Variants in KCNT2 observed in about 807,000 individuals in gnomAD.
KCNT2 encodes the protein potassium sodium-activated channel subfamily T member 2.
KCNT2 carries 67 observed loss-of-function variants against 153.8 expected under a neutral mutation model. The observed-to-expected ratio is 0.44, with a 90% CI of 0.36 to 0.53. The LOEUF is 0.53. Among genes scored for constraint, KCNT2 ranks in the 20% least tolerant of loss-of-function variants. The pLI is 0.00. For synonymous variants in KCNT2, 500 were observed against 458.8 expected, an observed-to-expected ratio of 1.09 and a Z score of -1.15; for missense variants, 975 against 1,354.8, an observed-to-expected ratio of 0.72 and a Z score of 4.40.
intron 22 of KCNT2, among the ~76,000 whole-genome samples, chr1:196,301,342 C>T (rs76973942): frequency 2.0e-4 from 30 of 152,256 alleles, no homozygotes; most frequent in Non-Finnish European, 3.4e-4. Context: ...GTGATTCTCT[C>T]GCATGCACAC....
At chr1:196,381,476 T>A (rs1218122751) in intron 13 of KCNT2, among the ~76,000 whole-genome samples, 1 of 151,718 alleles carries the variant, frequency 6.6e-6, no homozygotes, top group Non-Finnish European at 1.5e-5. Context: ...ATATATATAT[T>A]ATTAAACCTC....
At chr1:196,243,583 C>T (rs1339125410) in intron 26 of KCNT2, among the ~76,000 whole-genome samples, 1 of 152,062 alleles carries the variant, frequency 6.6e-6, no homozygotes, top group Non-Finnish European at 1.5e-5. Flanking sequence ...TCAATGCTGC[C>T]CTGGAACAGT....
chr1:196,495,571 CT>C (rs1279138864), intron 1 of KCNT2, among the ~76,000 whole-genome samples: 1 of 151,976 alleles, frequency 6.6e-6, no homozygotes, highest in African/African-American at 2.4e-5. Context: ...CTCCATCTAA[CT>C]TTATCTGAAT....
intron 1 of KCNT2, among the ~76,000 whole-genome samples, chr1:196,592,676 T>C (rs1295873859): frequency 3.5e-5 from 5 of 142,368 alleles, no homozygotes; most frequent in Admixed American, 7.5e-5. Context: ...GACATACATA[T>C]ATGTATCTGA....
intron 22 of KCNT2, among the ~76,000 whole-genome samples, chr1:196,299,773 T>C (rs1051661915): frequency 6.6e-6 from 1 of 152,120 alleles, no homozygotes; most frequent in African/African-American, 2.4e-5. Flanking sequence ...GAAAGAAAAT[T>C]AGTATTTCAA....
intron 14 of KCNT2, among the ~76,000 whole-genome samples, chr1:196,369,013 C>A (rs913230037): frequency 6.6e-6 from 1 of 152,100 alleles, no homozygotes; most frequent in East Asian, 1.9e-4. Flanking sequence ...TAATCAGTGG[C>A]AAACTTCTGT....
intron 12 of KCNT2, among the ~76,000 whole-genome samples, chr1:196,410,577 TA>T (rs1672211547): frequency 6.6e-6 from 1 of 151,356 alleles, no homozygotes; most frequent in Non-Finnish European, 1.5e-5. Flanking sequence ...TAAAAATAAA[TA>T]AATAAATAAA....
chr1:196,287,366 T>C (rs1004696924), intron 22 of KCNT2, among the ~76,000 whole-genome samples: 1 of 152,014 alleles, frequency 6.6e-6, no homozygotes, highest in Admixed American at 6.6e-5. Flanking sequence ...CATGATATGT[T>C]AGACCCAAAT....
At chr1:196,376,087 A>T (rs1246610232) in intron 13 of KCNT2, among the ~76,000 whole-genome samples, 3 of 151,862 alleles carry the variant, frequency 2.0e-5, no homozygotes, top group African/African-American at 7.2e-5. Context: ...CTGAATTAAA[A>T]TACTGAAAAT....
chr1:196,390,907 TTA>T (rs1491185100), intron 13 of KCNT2, among the ~76,000 whole-genome samples: 13 of 148,220 alleles, frequency 8.8e-5, no homozygotes, highest in African/African-American at 2.7e-4. Context: ...TTTTTTTTTT[TTA>T]AAAAAAAACA....
intron 14 of KCNT2, 87 bp from the exon 15 acceptor site, chr1:196,342,315 T>C: frequency 8.4e-7 from 1 of 1,192,878 alleles, no homozygotes. Flanking sequence ...GAACTGTTTC[T>C]CAACTGTGTA....
At chr1:196,369,883 T>C (rs1435866723) in intron 14 of KCNT2, among the ~76,000 whole-genome samples, 1 of 152,032 alleles carries the variant, frequency 6.6e-6, no homozygotes. Flanking sequence ...TAGTTCTAGA[T>C]CCCTGAGGAA....
chr1:196,599,059 G>C (rs956073012), intron 1 of KCNT2, among the ~76,000 whole-genome samples: 4 of 152,212 alleles, frequency 2.6e-5, no homozygotes, highest in Admixed American at 1.3e-4. Flanking sequence ...ATCACCACAT[G>C]GTGTGGCAGT....
intron 26 of KCNT2, among the ~76,000 whole-genome samples, chr1:196,247,875 C>T (rs1440328773): frequency 6.6e-6 from 1 of 152,120 alleles, no homozygotes; most frequent in Admixed American, 6.6e-5. Context: ...ATGGATCATT[C>T]TCAAGGACAG....
intron 1 of KCNT2, among the ~76,000 whole-genome samples, chr1:196,581,523 C>A (rs1662042247): frequency 6.6e-6 from 1 of 151,826 alleles, no homozygotes; most frequent in Non-Finnish European, 1.5e-5. Context: ...TCCCTTATTC[C>A]CTGAGGCTAT....
At chr1:196,371,927 C>T (rs1308472986) in intron 14 of KCNT2, among the ~76,000 whole-genome samples, 4 of 151,968 alleles carry the variant, frequency 2.6e-5, no homozygotes, top group Non-Finnish European at 4.4e-5. Context: ...TGAGTCTGTA[C>T]GAAGACGTTA....
chr1:196,566,913 T>G (rs1660180239), intron 1 of KCNT2, among the ~76,000 whole-genome samples: 1 of 151,992 alleles, frequency 6.6e-6, no homozygotes, highest in Non-Finnish European at 1.5e-5. Context: ...TCTTGCTAGG[T>G]TTTCATTATA....
chr1:196,356,186 T>A (rs547608518), intron 14 of KCNT2, among the ~76,000 whole-genome samples: 1 of 151,922 alleles, frequency 6.6e-6, no homozygotes, highest in Non-Finnish European at 1.5e-5. Flanking sequence ...TAATTAATTC[T>A]TACCATAACT....
chr1:196,429,352 G>A (rs759872096), intron 9 of KCNT2, among the ~76,000 whole-genome samples: 22 of 151,876 alleles, frequency 1.4e-4, no homozygotes, highest in Non-Finnish European at 3.1e-4. Context: ...AATAAGATGA[G>A]TGCTGTCAGT....
Sources: gnomAD v4.1 joint callset for allele counts (sites outside exome capture counted in the v4.1 genomes callset) on GRCh38, gnomAD v4.1.1 for gene constraint, MANE v1.5 for transcripts, NCBI Gene and HGNC (gene_info 2026-07-23, HGNC 2026-07-21) for gene names.